Variants in PCDH11X observed in about 807,000 individuals in gnomAD.
PCDH11X encodes protocadherin 11 X-linked, also known as protocadherin-11 X-linked.
A neutral mutation model predicts 53.3 loss-of-function variants in PCDH11X; 18 were observed. That is an observed-to-expected ratio of 0.34 (90% CI 0.23 to 0.50). The LOEUF is 0.50. PCDH11X is among the 20% of genes least tolerant of loss of function. The pLI, the probability that PCDH11X is intolerant of heterozygous loss-of-function variation, is 0.98. For missense variants in PCDH11X, 570 were observed against 1,032.4 expected, an observed-to-expected ratio of 0.55 and a Z score of 6.14; for synonymous variants, 279 against 393.3, an observed-to-expected ratio of 0.71 and a Z score of 3.44.
chrX:92,083,518 G>A lies in PCDH11X; in HGVS notation c.3034-117857G>A, dbSNP rs184242422. ...TTTTTAGACTACAGAAAAAAATATA[G>A]CACTTTATTTTAAATATGAGGGGAA... On this transcript the variant is annotated intron_variant, in intron 6 of 10. Coordinates refer to ENST00000682573, the MANE Select transcript of PCDH11X (RefSeq NM_032968.5). Among the ~76,000 whole-genome samples, 195 of 111,677 alleles carry A rather than the reference G, an allele frequency of 1.7e-3. 2 individuals carry two copies. Among genetic ancestry groups the A allele is most frequent in the African/African-American group, 5.9e-3 (183 of 30,846 alleles).
At chrX:92,347,672 T>C (rs1481311370) in intron 8 of PCDH11X, among the ~76,000 whole-genome samples, 1 of 111,674 alleles carries the variant, frequency 9.0e-6, no homozygotes, top group Admixed American at 9.6e-5. Flanking sequence ...CTAGGTGTCA[T>C]GGCATCAAGT....
intron 10 of PCDH11X, among the ~76,000 whole-genome samples, chrX:92,606,739 G>A (rs1926868420): frequency 9.0e-6 from 1 of 111,477 alleles, no homozygotes; most frequent in Admixed American, 9.6e-5. Flanking sequence ...ACAAACCACA[G>A]AATGTGAGAA....
At chrX:92,031,793 A>G (rs1235473918) in intron 6 of PCDH11X, among the ~76,000 whole-genome samples, 1 of 111,419 alleles carries the variant, frequency 9.0e-6, no homozygotes, top group Non-Finnish European at 1.9e-5. Context: ...AGTTCACTGT[A>G]GGTGTATGGA....
At chrX:91,860,678 G>A (rs1025921281) in intron 5 of PCDH11X, among the ~76,000 whole-genome samples, 1 of 111,912 alleles carries the variant, frequency 8.9e-6, no homozygotes, top group African/African-American at 3.2e-5. Flanking sequence ...ATGAAGTGTT[G>A]TTGAATTTTA....
intron 5 of PCDH11X, among the ~76,000 whole-genome samples, chrX:91,840,354 A>G (rs752850603): frequency 9.0e-6 from 1 of 111,727 alleles, no homozygotes; most frequent in South Asian, 3.7e-4. Context: ...TTGACAGAAC[A>G]TGAAGATCAA....
At chrX:92,559,573 A>T (rs1199776161) in intron 10 of PCDH11X, among the ~76,000 whole-genome samples, 10 of 111,558 alleles carry the variant, frequency 9.0e-5, no homozygotes, top group Non-Finnish European at 1.7e-4. Context: ...ACAGTCTTGA[A>T]TTACTGGTGC....
chrX:91,973,989 C>A (rs988237868), intron 6 of PCDH11X, among the ~76,000 whole-genome samples: 11 of 110,579 alleles, frequency 9.9e-5, no homozygotes, highest in Non-Finnish European at 2.1e-4. Flanking sequence ...TTTGCAAAAC[C>A]TTTATATTGG....
At chrX:92,388,243 C>A (rs1391925329) in intron 9 of PCDH11X, among the ~76,000 whole-genome samples, 7 of 110,953 alleles carry the variant, frequency 6.3e-5, no homozygotes, top group African/African-American at 2.3e-4. Flanking sequence ...TTATTTTATT[C>A]ATTTATTTGT....
At chrX:92,262,876 A>G (rs780583643) in intron 7 of PCDH11X, 4 of 245,276 alleles carry the variant, frequency 1.6e-5, no homozygotes, top group African/African-American at 1.2e-4. Flanking sequence ...GTGGCTCTTC[A>G]TATTTTTGCA....
chrX:92,177,823 T>G (rs966348636), intron 6 of PCDH11X, among the ~76,000 whole-genome samples: 3 of 110,971 alleles, frequency 2.7e-5, no homozygotes, highest in Non-Finnish European at 5.7e-5. Context: ...ATGTACACAA[T>G]TATACATACA....
intron 9 of PCDH11X, among the ~76,000 whole-genome samples, chrX:92,463,970 A>T (rs1569491281): frequency 9.0e-6 from 1 of 111,698 alleles, no homozygotes. Context: ...GAAAATGGTA[A>T]TTGCATATTT....
At chrX:92,197,518 G>C (rs991777152) in intron 6 of PCDH11X, among the ~76,000 whole-genome samples, 2 of 111,264 alleles carry the variant, frequency 1.8e-5, no homozygotes, top group African/African-American at 6.5e-5. Context: ...CCACAGTAAG[G>C]GTCATGCTTT....
intron 9 of PCDH11X, among the ~76,000 whole-genome samples, chrX:92,430,321 G>A (rs184828886): frequency 4.4e-5 from 4 of 91,802 alleles, no homozygotes; most frequent in African/African-American, 7.5e-5. Flanking sequence ...AATTGATTAC[G>A]TGTTTGTTCA....
At chrX:92,483,703 C>T (rs1237634269) in intron 10 of PCDH11X, among the ~76,000 whole-genome samples, 1 of 98,328 alleles carries the variant, frequency 1.0e-5, no homozygotes, top group African/African-American at 3.7e-5. Context: ...ACCCAATTTT[C>T]ATAAATTACA....
chrX:92,209,849 G>A (rs773771922), intron 7 of PCDH11X, among the ~76,000 whole-genome samples: 1 of 112,231 alleles, frequency 8.9e-6, no homozygotes, highest in Non-Finnish European at 1.9e-5. Flanking sequence ...AAACCTAGGC[G>A]GAGGCTCCCA....
At chrX:92,102,502 C>G (rs1056670477) in intron 6 of PCDH11X, among the ~76,000 whole-genome samples, 2 of 111,139 alleles carry the variant, frequency 1.8e-5, no homozygotes, top group African/African-American at 6.6e-5. Flanking sequence ...TAATCGGACA[C>G]GATCAGCAGG....
At chrX:92,011,732 T>G (rs745794162) in intron 6 of PCDH11X, among the ~76,000 whole-genome samples, 8 of 111,318 alleles carry the variant, frequency 7.2e-5, no homozygotes. Flanking sequence ...ATATACAGAT[T>G]GATAGAAGAC....
intron 8 of PCDH11X, among the ~76,000 whole-genome samples, chrX:92,340,094 C>A (rs1031516786): frequency 1.5e-4 from 17 of 111,798 alleles, no homozygotes; most frequent in African/African-American, 5.2e-4. Context: ...CCCATACCAT[C>A]AGGATGGTCA....
chrX:92,510,542 G>A (rs1302028879), intron 10 of PCDH11X, among the ~76,000 whole-genome samples: 17 of 103,042 alleles, frequency 1.6e-4, no homozygotes, highest in Non-Finnish European at 5.9e-5. Context: ...GTGCATTACT[G>A]TCAATTTTCA....
Sources: allele counts gnomAD v4.1 joint callset (sites outside exome capture counted in the v4.1 genomes callset), GRCh38; gene constraint gnomAD v4.1.1; transcripts MANE v1.5; gene names NCBI Gene and HGNC (gene_info 2026-07-23, HGNC 2026-07-21).